The following EYS variants were observed in gnomAD, a reference collection of about 807,000 sequenced individuals.
The protein encoded by EYS is protein eyes shut homolog.
Under a neutral mutation model 282.1 loss-of-function variants are expected in EYS, and 250 were observed. The observed-to-expected ratio is 0.89, with a 90% confidence interval of 0.80 to 0.98. The LOEUF (loss-of-function observed/expected upper bound fraction) is 0.98. EYS is among the 50% of genes least tolerant of loss of function. The pLI, the probability that EYS is intolerant of heterozygous loss-of-function variation, is 0.00. For synonymous variants in EYS, 1,355 were observed against 1,282.9 expected, an observed-to-expected ratio of 1.06 and a Z score of -1.20; for missense variants, 4,016 against 3,709.0, an observed-to-expected ratio of 1.08 and a Z score of -2.15.
In EYS at chr6:64,906,771, G is replaced by A. The variant is rs923691120; in HGVS notation, c.2642-4271C>T. On this transcript the variant is annotated intron_variant, in intron 16 of 42. Transcript: ENST00000503581. ...GAAGACATACAAAGTAGCTATTTTA[G>A]AAACTAAGCTCTTTACATTAAATTA... Among the ~76,000 whole-genome samples the A allele has an allele frequency of 2.0e-5, 3 of 152,144 alleles. No individual in the cohort carries two copies. In the East Asian group the frequency reaches 5.8e-4, roughly 29 times the overall value.
At chr6:64,326,431 T>A (rs1291844235) in intron 29 of EYS, among the ~76,000 whole-genome samples, 3 of 152,202 alleles carry the variant, frequency 2.0e-5, no homozygotes, top group Non-Finnish European at 1.5e-5. Flanking sequence ...CTTTGTTTCT[T>A]CCTTCTGTAA....
intron 35 of EYS, among the ~76,000 whole-genome samples, chr6:63,912,239 G>A (rs187111698): frequency 4.0e-4 from 61 of 152,204 alleles, no homozygotes; most frequent in Middle Eastern, 6.8e-3. Flanking sequence ...GTCTCTCCAT[G>A]TTGCTAGGAT....
chr6:65,328,173 C>G (rs568892760), intron 11 of EYS, among the ~76,000 whole-genome samples: 214 of 151,532 alleles, frequency 1.4e-3, no homozygotes, highest in African/African-American at 4.8e-3. Context: ...ATTCATCATT[C>G]ACTACCCATA....
chr6:63,973,163 C>T (rs1450748413), intron 35 of EYS, among the ~76,000 whole-genome samples: 1 of 152,106 alleles, frequency 6.6e-6, no homozygotes, highest in African/African-American at 2.4e-5. Flanking sequence ...GTAATTTACA[C>T]TTCCACCAAC....
At chr6:63,909,066 G>T (rs1034570408) in intron 35 of EYS, among the ~76,000 whole-genome samples, 1 of 152,070 alleles carries the variant, frequency 6.6e-6, no homozygotes, top group Admixed American at 6.5e-5. Flanking sequence ...AGGAAATGAG[G>T]CTGAAAAGGC....
chr6:64,695,621 G>A (rs1330958109), intron 22 of EYS, among the ~76,000 whole-genome samples: 1 of 140,648 alleles, frequency 7.1e-6, no homozygotes, highest in African/African-American at 2.6e-5. Flanking sequence ...GTCTAGCTCT[G>A]TCACCCAGGC....
At chr6:65,464,916 T>C (rs1176702025) in intron 5 of EYS, among the ~76,000 whole-genome samples, 2 of 152,180 alleles carry the variant, frequency 1.3e-5, no homozygotes, top group African/African-American at 2.4e-5. Context: ...GGTATCCACA[T>C]GACCTAATTA....
At chr6:65,518,600 G>A (rs1767229264) in intron 2 of EYS, among the ~76,000 whole-genome samples, 1 of 152,044 alleles carries the variant, frequency 6.6e-6, no homozygotes, top group African/African-American at 2.4e-5. Context: ...CTTAAAATTA[G>A]AATATAAACC....
intron 15 of EYS, among the ~76,000 whole-genome samples, chr6:64,918,667 G>T (rs1016992420): frequency 1.7e-4 from 26 of 152,116 alleles, no homozygotes; most frequent in Non-Finnish European, 3.1e-4. Context: ...TTGGATAATG[G>T]TTAGTAAGCA....
intron 2 of EYS, among the ~76,000 whole-genome samples, chr6:65,615,559 C>T (rs1298674236): frequency 6.6e-6 from 1 of 151,714 alleles, no homozygotes; most frequent in Non-Finnish European, 1.5e-5. Flanking sequence ...TTTCTTGAGA[C>T]CAGATATATA....
At chr6:64,494,875 T>C (rs772975994) in intron 26 of EYS, among the ~76,000 whole-genome samples, 25 of 151,660 alleles carry the variant, frequency 1.6e-4, no homozygotes, top group African/African-American at 2.7e-4. Flanking sequence ...CTTAGGTAAA[T>C]GTGTAAATAT....
chr6:65,091,260 C>T (rs565860092), intron 12 of EYS, among the ~76,000 whole-genome samples: 1 of 139,532 alleles, frequency 7.2e-6, no homozygotes, highest in African/African-American at 2.8e-5. Flanking sequence ...ATGGTGAAAC[C>T]CCATCTCCCC....
At chr6:65,173,607 CAT>C (rs1164027736) in intron 12 of EYS, among the ~76,000 whole-genome samples, 3 of 150,800 alleles carry the variant, frequency 2.0e-5, no homozygotes, top group Non-Finnish European at 4.5e-5. Context: ...TTTTCATTTC[CAT>C]ATGAGAATAT....
At chr6:65,075,461 A>C (rs1053958467) in intron 12 of EYS, among the ~76,000 whole-genome samples, 10 of 152,026 alleles carry the variant, frequency 6.6e-5, no homozygotes, top group Non-Finnish European at 1.5e-4. Flanking sequence ...TATAGTTGCT[A>C]ATTTATGTGT....
At chr6:64,768,924 T>C (rs1028032619) in intron 22 of EYS, among the ~76,000 whole-genome samples, 1 of 152,036 alleles carries the variant, frequency 6.6e-6, no homozygotes, top group African/African-American at 2.4e-5. Context: ...ATATCTTACA[T>C]TGATGATGCT....
chr6:65,334,685 T>C (rs1424166430), intron 11 of EYS, among the ~76,000 whole-genome samples: 2 of 151,866 alleles, frequency 1.3e-5, no homozygotes, highest in Non-Finnish European at 2.9e-5. Context: ...CATCTTAACT[T>C]AGCAGAATTT....
At chr6:65,450,132 GA>G (rs1764349556) in intron 5 of EYS, among the ~76,000 whole-genome samples, 1 of 152,062 alleles carries the variant, frequency 6.6e-6, no homozygotes, top group Non-Finnish European at 1.5e-5. Context: ...TACACAGTTT[GA>G]AAACAAACCA....
At chr6:64,012,062 C>A (rs1472628049) in intron 33 of EYS, among the ~76,000 whole-genome samples, 1 of 151,360 alleles carries the variant, frequency 6.6e-6, no homozygotes, top group Non-Finnish European at 1.5e-5. Context: ...CCCCTCCTTT[C>A]CTTTCTTTCC....
chr6:63,768,292 T>G (rs1582188361), intron 40 of EYS, among the ~76,000 whole-genome samples: 1 of 151,610 alleles, frequency 6.6e-6, no homozygotes, highest in East Asian at 1.9e-4. Context: ...ACAGACAACC[T>G]ACAAAATGGG....
Sources: gnomAD v4.1 joint callset for allele counts (sites outside exome capture counted in the v4.1 genomes callset) on GRCh38, gnomAD v4.1.1 for gene constraint, MANE v1.5 for transcripts, NCBI Gene and HGNC (gene_info 2026-07-23, HGNC 2026-07-21) for gene names.